RGS22: variants seen among roughly 807,000 people sequenced by gnomAD.
RGS22 encodes regulator of G protein signaling 22, also known as regulator of G-protein signaling 22.
In RGS22, 148 loss-of-function variants were observed where a neutral mutation model predicts 172.9. The ratio of observed to expected loss-of-function variants is 0.86; its 90% confidence interval spans 0.75 to 0.98. RGS22 has a LOEUF of 0.98. RGS22 is among the 50% of genes least tolerant of loss of function. RGS22 has a pLI of 0.00. For missense variants in RGS22, 1,347 were observed against 1,440.8 expected, an observed-to-expected ratio of 0.93 and a Z score of 1.05; for synonymous variants, 458 against 480.2, an observed-to-expected ratio of 0.95 and a Z score of 0.60.
intron 14 of RGS22, among the ~76,000 whole-genome samples, chr8:100,023,076 G>A (rs1817791663): frequency 6.6e-6 from 1 of 152,104 alleles, no homozygotes; most frequent in African/African-American, 2.4e-5. Context: ...TGTTTCACCA[G>A]TATGATAATC....
chr8:100,093,323 C>T, intron 3 of RGS22, 124 bp downstream of exon 3: 1 of 584,828 alleles, frequency 1.7e-6, no homozygotes, highest in Non-Finnish European at 3.1e-6. Flanking sequence ...AAACCTTTAC[C>T]TAAATGCTTT....
chr8:99,989,186 T>G (rs1204004511), intron 20 of RGS22, among the ~76,000 whole-genome samples: 1 of 152,086 alleles, frequency 6.6e-6, no homozygotes, highest in Non-Finnish European at 1.5e-5. Context: ...AATATTCAAA[T>G]AAACATCTAT....
intron 23 of RGS22, among the ~76,000 whole-genome samples, chr8:99,974,304 A>G (rs957738634): frequency 3.3e-5 from 5 of 152,172 alleles, no homozygotes; most frequent in Non-Finnish European, 2.9e-5. Flanking sequence ...ATTTTATCCA[A>G]CAAGACCAAT....
At chr8:100,084,154 G>A (rs1022021209) in intron 3 of RGS22, among the ~76,000 whole-genome samples, 1 of 152,082 alleles carries the variant, frequency 6.6e-6, no homozygotes, top group African/African-American at 2.4e-5. Context: ...TTTAGTTAAG[G>A]CTTACTGTGG....
At position 100,051,548 on chromosome 8, in the gene RGS22, CATGTATTT is replaced by C. The variant is rs1563669413; in HGVS notation, c.1689+1246_1689+1253del. ...ATATATTTATACATATATATTTATACATGTATTTATATAAATATATATTTATATATGTT... is the reference window on the plus strand; with the variant it reads ...ATATATTTATACATATATATTTATACATATAAATATATATTTATATATGTT... On this transcript the variant is annotated intron_variant, in intron 10 of 27. Transcript: ENST00000360863. Among the ~76,000 whole-genome samples the C allele has an allele frequency of 7.6e-5, 3 of 39,256 alleles. 1 individual carries two copies. The highest frequency in any genetic ancestry group is 3.6e-4 in the African/African-American group (3 of 8,354). 25.8% of individuals were successfully genotyped at this position (39,256 alleles called of 152,430 possible).
Position 99,965,374 on chromosome 8 carries a change from G to C in RGS22, c.3576C>G (p.Leu1192=). 1 of 1,613,692 alleles carries C rather than the reference G, an allele frequency of 6.2e-7. No homozygotes were observed. The highest frequency in any genetic ancestry group is 8.5e-7 in the Non-Finnish European group (1 of 1,179,768). The stretch of plus-strand genomic sequence containing the variant: ...GTTGGAGGCCTAGGAAGGAATCACT[G>C]AGTAAAGCAGTTTTGATAGCAGGCA... ...TSVPAIKTAL[L]SDSFLGLQPY... is the part of the protein sequence containing the mutation. Residue 1192 remains leucine (L), a synonymous_variant, in exon 24 of 28, where the codon CTC becomes CTG. Transcript: ENST00000360863.
chr8:99,997,395 T>C (rs1328479944), intron 19 of RGS22, among the ~76,000 whole-genome samples: 1 of 152,210 alleles, frequency 6.6e-6, no homozygotes, highest in Admixed American at 6.5e-5. Context: ...GGATAGAGAA[T>C]TGGAGTTAGC....
At chr8:100,016,207 TACTCGAATGCCAACATCTCAAACCAAGAA>T (rs1816928579) in intron 14 of RGS22, among the ~76,000 whole-genome samples, 1 of 152,180 alleles carries the variant, frequency 6.6e-6, no homozygotes, top group Admixed American at 6.5e-5. Flanking sequence ...TGAATAGCTA[TACTCGAATGCCAACATCTCAAACCAAGAA>T]TATACAATTT....
chr8:100,105,343 G>GA lies in RGS22; in HGVS notation c.54+30dup, dbSNP rs773240167. 27 of 1,574,324 alleles carry GA rather than the reference G, an allele frequency of 1.7e-5. No homozygotes were observed. The South Asian group carries it at 2.6e-4, about 15-fold the overall frequency. On this transcript the variant is annotated intron_variant, in intron 2 of 27. Transcript: ENST00000360863. ...ATTTGCTATTTTTTTAAAGGCCAAAGAAAAAAATAGCCCCTTGAAATGATA... is the reference window on the plus strand; with the variant it reads ...ATTTGCTATTTTTTTAAAGGCCAAAGAAAAAAAATAGCCCCTTGAAATGATA...
At chr8:99,994,436 T>C (rs1328128686) in intron 20 of RGS22, among the ~76,000 whole-genome samples, 1 of 152,016 alleles carries the variant, frequency 6.6e-6, no homozygotes, top group Non-Finnish European at 1.5e-5. Flanking sequence ...ACAAAATCAA[T>C]TGCAAAAATC....
At position 99,999,247 on chromosome 8, in the gene RGS22, T is replaced by C. The variant is rs763257542; in HGVS notation, c.2949+15A>G. 7 of 1,609,490 alleles carry C rather than the reference T, an allele frequency of 4.3e-6. No individual in the cohort carries two copies. In the Admixed American group the frequency reaches 6.7e-5, roughly 15 times the overall value. ...ACTGACAACTGCTATCAAAAGATTA[T>C]ACTAATTTATATACCTTTATCTTCT... On this transcript the variant is annotated intron_variant, in intron 19 of 27. Transcript: ENST00000360863.
intron 23 of RGS22, among the ~76,000 whole-genome samples, chr8:99,976,448 G>A (rs1441888219): frequency 6.6e-6 from 1 of 151,956 alleles, no homozygotes; most frequent in Non-Finnish European, 1.5e-5. Context: ...TGCAAGCTCC[G>A]CCTCCCGGGT....
chr8:99,998,425 G>C (rs541643524), intron 19 of RGS22, among the ~76,000 whole-genome samples: 17 of 152,238 alleles, frequency 1.1e-4, no homozygotes, highest in African/African-American at 3.9e-4. Flanking sequence ...GGCAGTCACA[G>C]CTGGGCACTG....
At chr8:100,067,813 TG>T (rs1474544035) in intron 6 of RGS22, among the ~76,000 whole-genome samples, 4 of 151,574 alleles carry the variant, frequency 2.6e-5, no homozygotes, top group Non-Finnish European at 4.4e-5. Context: ...TTAGTAGAGA[TG>T]GGGTTTCACC....
chr8:100,071,848 A>G (rs1811006128), intron 5 of RGS22, among the ~76,000 whole-genome samples: 1 of 152,232 alleles, frequency 6.6e-6, no homozygotes, highest in African/African-American at 2.4e-5. Flanking sequence ...TTCGCGTCAC[A>G]CTAGTATTCA....
At chr8:100,036,603 T>C (rs78361254) in intron 14 of RGS22, among the ~76,000 whole-genome samples, 16 of 152,098 alleles carry the variant, frequency 1.1e-4, no homozygotes, top group South Asian at 6.2e-4. Context: ...ATAGAAACTT[T>C]ATTTATTTAT....
intron 14 of RGS22, among the ~76,000 whole-genome samples, chr8:100,017,495 T>C (rs1190787352): frequency 2.0e-5 from 3 of 152,164 alleles, no homozygotes; most frequent in Non-Finnish European, 4.4e-5. Flanking sequence ...TATTAGCCCA[T>C]ACAATAAAAT....
At chr8:100,002,059 C>T (rs1815147022) in intron 18 of RGS22, 143 bp downstream of exon 18, 5 of 522,604 alleles carry the variant, frequency 9.6e-6, no homozygotes, top group South Asian at 4.0e-5. Context: ...CTCATAAATA[C>T]CTAAATAAAT....
At chr8:99,963,022 T>C (rs779946361) in intron 24 of RGS22, 44 bp from the exon 25 acceptor site, 44 of 1,478,218 alleles carry the variant, frequency 3.0e-5, no homozygotes, top group Non-Finnish European at 3.8e-5. Context: ...ATGTTTGCTT[T>C]AGGAAATAAA....
Sources: allele counts gnomAD v4.1 joint callset (sites outside exome capture counted in the v4.1 genomes callset), GRCh38; gene constraint gnomAD v4.1.1; transcripts MANE v1.5; gene names NCBI Gene and HGNC (gene_info 2026-07-23, HGNC 2026-07-21).